The following PACRG variants were observed in gnomAD, a reference collection of about 807,000 sequenced individuals.
The protein encoded by PACRG is parkin coregulated gene protein.
In PACRG, 29 loss-of-function variants were observed where a neutral mutation model predicts 29.7. The ratio of observed to expected loss-of-function variants is 0.98; its 90% CI spans 0.73 to 1.33. The LOEUF is 1.33. PACRG is among the 40% of genes most tolerant of loss of function. PACRG has a pLI of 0.00. For missense variants in PACRG, 279 were observed against 316.2 expected (o/e 0.88, Z 0.89); for synonymous variants, 116 against 118.7 (o/e 0.98, Z 0.15).
intron 1 of PACRG, among the ~76,000 whole-genome samples, chr6:162,751,042 A>G (rs560143023): frequency 3.3e-5 from 5 of 152,194 alleles, no homozygotes; most frequent in African/African-American, 7.2e-5. Context: ...ACTTAATTCA[A>G]TAAGGAAGAG....
At position 163,282,382 on chromosome 6, in the gene PACRG, C is replaced by G. The variant is rs940771512; in HGVS notation, c.614-32445C>G. ...TCCTGTGTCTCCAATTTACCCCCTA[C>G]AAAAATATTTATTTCTCTTATCTCT... On this transcript the variant is annotated intron_variant, in intron 4 of 4. Coordinates refer to ENST00000366888, the MANE Select transcript of PACRG (RefSeq NM_001080379.2). 3.9e-5 allele frequency among the ~76,000 whole-genome samples: 6 copies of G among 152,262 alleles called. No individual in the cohort carries two copies. The East Asian group carries it at 7.7e-4, about 20-fold the overall frequency.
chr6:162,930,120 A>G (rs1417614847), intron 2 of PACRG, among the ~76,000 whole-genome samples: 1 of 151,814 alleles, frequency 6.6e-6, no homozygotes, highest in Non-Finnish European at 1.5e-5. Context: ...AAAAAAATAT[A>G]TATTTCTGTT....
intron 4 of PACRG, among the ~76,000 whole-genome samples, chr6:163,121,189 T>C (rs1816249615): frequency 6.6e-6 from 1 of 152,184 alleles, no homozygotes; most frequent in African/African-American, 2.4e-5. Context: ...CATCAAAAAA[T>C]AGAAGTGATC....
intron 4 of PACRG, among the ~76,000 whole-genome samples, chr6:163,227,699 A>C (rs1781859566): frequency 6.6e-6 from 1 of 151,960 alleles, no homozygotes; most frequent in African/African-American, 2.4e-5. Context: ...GCAAACATTC[A>C]CCCTTACACC....
chr6:162,955,547 C>T (rs1003366188), intron 2 of PACRG, among the ~76,000 whole-genome samples: 2 of 152,218 alleles, frequency 1.3e-5, no homozygotes, highest in Non-Finnish European at 2.9e-5. Flanking sequence ...TATCCACCCA[C>T]CTTGGCCTCC....
intron 2 of PACRG, among the ~76,000 whole-genome samples, chr6:162,975,413 C>A (rs371571625): frequency 6.6e-6 from 1 of 152,098 alleles, no homozygotes; most frequent in Admixed American, 6.6e-5. Context: ...CTAGAGAATG[C>A]GACAAGAAAA....
chr6:163,197,782 T>C (rs1365555118), intron 4 of PACRG, among the ~76,000 whole-genome samples: 2 of 152,138 alleles, frequency 1.3e-5, no homozygotes, highest in Admixed American at 1.3e-4. Flanking sequence ...ATGTTCTCTC[T>C]TTACCTTCCA....
In PACRG at chr6:162,921,686, A is replaced by T. The variant is rs139372435; in HGVS notation, c.291+107405A>T. ...TAGTTGACATGTAATAATTGTATAC[A>T]CTTATTGGATACAGAGTTATATTTC... On this transcript the variant is annotated intron_variant, in intron 2 of 4. Coordinates refer to ENST00000366888, the MANE Select transcript of PACRG (RefSeq NM_001080379.2). Among the ~76,000 whole-genome samples the T allele has an allele frequency of 7.9e-4, 121 of 152,236 alleles. 2 individuals are homozygous for T. In the South Asian group the frequency reaches 0.024, roughly 30 times the overall value.
chr6:163,298,980 C>T (rs913558607), intron 4 of PACRG, among the ~76,000 whole-genome samples: 4 of 152,328 alleles, frequency 2.6e-5, no homozygotes, highest in African/African-American at 9.6e-5. Flanking sequence ...ACCACATCAC[C>T]TTTCCGTTCC....
intron 4 of PACRG, among the ~76,000 whole-genome samples, chr6:163,168,682 T>C (rs78167914): frequency 0.051 from 7,810 of 152,286 alleles, 685 homozygotes; most frequent in African/African-American, 0.18. Flanking sequence ...GGGTTTTCAA[T>C]ATAATCAAAC....
At chr6:163,164,458 C>A (rs531374487) in intron 4 of PACRG, among the ~76,000 whole-genome samples, 12 of 152,194 alleles carry the variant, frequency 7.9e-5, no homozygotes, top group Non-Finnish European at 1.8e-4. Flanking sequence ...CAATTCCCAT[C>A]CAGCCTCTAT....
intron 1 of PACRG, among the ~76,000 whole-genome samples, chr6:162,800,229 T>C (rs1785742752): frequency 6.6e-6 from 1 of 152,224 alleles, no homozygotes; most frequent in Non-Finnish European, 1.5e-5. Flanking sequence ...TTTTTAGCCT[T>C]TAACTGTCAA....
chr6:163,190,585 AG>A (rs1780165534), intron 4 of PACRG: 1 of 152,710 alleles, frequency 6.5e-6, no homozygotes, highest in Non-Finnish European at 1.5e-5. Context: ...TTCTTAGAGA[AG>A]GTAAAAATGA....
intron 2 of PACRG, among the ~76,000 whole-genome samples, chr6:163,057,654 C>G (rs1168164388): frequency 6.6e-6 from 1 of 152,160 alleles, no homozygotes; most frequent in African/African-American, 2.4e-5. Flanking sequence ...GTTGTCTTTG[C>G]TGGAACTTTT....
At position 163,315,098 on chromosome 6, in the gene PACRG, G is replaced by A. The variant is rs1785598191; in HGVS notation, c.*111G>A. The A allele has an allele frequency of 3.1e-6, 4 of 1,299,922 alleles. No individual in the cohort carries two copies. The highest frequency in any genetic ancestry group is 4.2e-6 in the Non-Finnish European group (4 of 941,784). 80.5% of individuals were successfully genotyped at this position (1,299,922 alleles called of 1,614,324 possible). A position where few individuals can be genotyped will look rare whatever the true frequency, so the allele number is the denominator to read the frequency against. ...TTCCACAGCTTTCTTTTCTACAGCT[G>A]CTAAAATAGTGGCTTATGGGCCATT... is the stretch of plus-strand genomic sequence containing the variant. On this transcript the variant is annotated 3_prime_UTR_variant, in exon 5 of 5. Coordinates refer to ENST00000366888, the MANE Select transcript of PACRG (RefSeq NM_001080379.2).
In PACRG at chr6:162,737,124, C is replaced by G. The variant is rs1053604701; in HGVS notation, c.156+8733C>G. ...ATCAAGGTTTTATTAATACTGCCAC[C>G]TGCTGTGCTTGAATGTGCCTATTCT... On this transcript the variant is annotated intron_variant, in intron 1 of 4. Transcript: ENST00000366888. Among the ~76,000 whole-genome samples the G allele has an allele frequency of 2.6e-5, 4 of 152,120 alleles. No individual in the cohort carries two copies. The South Asian group carries it at 8.3e-4, about 32-fold the overall frequency.
At chr6:163,265,608 A>G (rs943585663) in intron 4 of PACRG, among the ~76,000 whole-genome samples, 1 of 152,182 alleles carries the variant, frequency 6.6e-6, no homozygotes, top group African/African-American at 2.4e-5. Context: ...TGTTATTATT[A>G]TTTGTTATTA....
At chr6:163,123,590 C>T (rs748962576) in intron 4 of PACRG, among the ~76,000 whole-genome samples, 6 of 151,996 alleles carry the variant, frequency 3.9e-5, no homozygotes, top group Non-Finnish European at 5.9e-5. Flanking sequence ...CCGTGTTGTA[C>T]AGGAGATCTC....
intron 1 of PACRG, among the ~76,000 whole-genome samples, chr6:162,778,778 C>T (rs113503937): frequency 1.1e-4 from 17 of 152,354 alleles, no homozygotes; most frequent in African/African-American, 2.6e-4. Context: ...TGGAGCAGCA[C>T]GCCCTGAACC....
Sources: allele counts gnomAD v4.1 joint callset (sites outside exome capture counted in the v4.1 genomes callset), GRCh38; gene constraint gnomAD v4.1.1; transcripts MANE v1.5; gene names NCBI Gene and HGNC (gene_info 2026-07-23, HGNC 2026-07-21).